Variants in PPP1R1B observed in about 807,000 individuals in gnomAD.
PPP1R1B encodes the protein protein phosphatase 1 regulatory inhibitor subunit 1B.
Under a neutral mutation model 28.2 loss-of-function variants are expected in PPP1R1B, and 13 were observed. The observed-to-expected ratio is 0.46, with a 90% CI of 0.30 to 0.73. PPP1R1B has a LOEUF of 0.73. Among genes scored for constraint, PPP1R1B ranks in the 30% least tolerant of loss-of-function variants. The pLI, the probability that PPP1R1B is intolerant of heterozygous loss-of-function variation, is 0.07. For synonymous variants in PPP1R1B, 102 were observed against 97.5 expected, an observed-to-expected ratio of 1.05 and a Z score of -0.27; for missense variants, 236 against 256.7, an observed-to-expected ratio of 0.92 and a Z score of 0.55.
chr17:39,633,812 C>G, intron 4 of PPP1R1B, 71 bp from the exon 5 acceptor site: 2 of 1,596,290 alleles, frequency 1.3e-6, no homozygotes, highest in Non-Finnish European at 1.7e-6. Context: ...GGGGGCTAGG[C>G]CACAGGCTAT....
intron 5 of PPP1R1B, among the ~76,000 whole-genome samples, chr17:39,635,150 C>T (rs1354805917): frequency 6.6e-6 from 1 of 152,034 alleles, no homozygotes; most frequent in Admixed American, 6.6e-5. Context: ...GAGCTGAGAT[C>T]GCACCACTGC....
chr17:39,634,563 T>C (rs2056902755), intron 5 of PPP1R1B, among the ~76,000 whole-genome samples: 1 of 152,214 alleles, frequency 6.6e-6, no homozygotes, highest in African/African-American at 2.4e-5. Flanking sequence ...CTCTTTTTCC[T>C]TCCTAGGATG....
At position 39,634,079 on chromosome 17, in the gene PPP1R1B, G is replaced by A. The variant is rs1262808831; in HGVS notation, c.438G>A (p.Arg146=). 1.2e-6 allele frequency: 2 copies of A among 1,613,800 alleles called. No homozygotes were observed. Among genetic ancestry groups the A allele is most frequent in the African/African-American group, 1.3e-5 (1 of 75,058 alleles). Residue 146 remains arginine (R), a synonymous_variant, in exon 5 of 7, where the codon AGG becomes AGA. Transcript: ENST00000254079. ...AGGCTGAAGTCCTGAAGGTCATCAG[G>A]CAGTCTGGTAAGCTGAGGGGCCTGT... ...DSQAEVLKVI[R]QSAGQKTTCG...
intron 3 of PPP1R1B, among the ~76,000 whole-genome samples, 163 bp downstream of exon 3, chr17:39,629,725 C>T (rs2144837225): frequency 6.6e-6 from 1 of 152,304 alleles, no homozygotes. Flanking sequence ...AGGGTGCCAC[C>T]AGCAGATCCT....
In PPP1R1B at chr17:39,634,004, TGAG is replaced by T. The variant is rs757467685; in HGVS notation, c.369_371del (p.Glu126del). 16 of 1,613,506 alleles carry T rather than the reference TGAG, an allele frequency of 9.9e-6. No homozygotes were observed. Among genetic ancestry groups the T allele is most frequent in the African/African-American group, 2.7e-5 (2 of 74,900 alleles). ...AGCTGGGTTATCCAAGAGAGGAAGA[TGAG>T]GAGGAAGAGGAGGATGATGAAGAAG... On this transcript the variant is annotated inframe_deletion, in exon 5 of 7. Transcript: ENST00000254079.
chr17:39,634,946 AG>A (rs1231625734), intron 5 of PPP1R1B, among the ~76,000 whole-genome samples: 1 of 152,250 alleles, frequency 6.6e-6, no homozygotes, highest in African/African-American at 2.4e-5. Context: ...CTGTAATTCC[AG>A]CACTTTGGGA....
At chr17:39,630,159 T>C (rs1425252196) in intron 4 of PPP1R1B, 112 bp downstream of exon 4, 6 of 1,050,822 alleles carry the variant, frequency 5.7e-6, no homozygotes, top group South Asian at 4.0e-5. Flanking sequence ...CATAGCCCGC[T>C]GTCAGCGTGG....
chr17:39,629,943 C>T (rs1338252242), intron 3 of PPP1R1B, 29 bp from the exon 4 acceptor site: 13 of 1,600,248 alleles, frequency 8.1e-6, no homozygotes, highest in Non-Finnish European at 1.1e-5. Context: ...CTCTGCTGAG[C>T]CCCTTTAACC....
chr17:39,631,877 A>T (rs370971828), intron 4 of PPP1R1B, among the ~76,000 whole-genome samples: 1 of 152,022 alleles, frequency 6.6e-6, no homozygotes, highest in Non-Finnish European at 1.5e-5. Context: ...TCATCTTCTC[A>T]GGAGAGAATT....
chr17:39,631,816 A>G (rs1421815861), intron 4 of PPP1R1B, among the ~76,000 whole-genome samples: 4 of 152,050 alleles, frequency 2.6e-5, no homozygotes, highest in African/African-American at 9.7e-5. Flanking sequence ...GGACCTCCCC[A>G]CCTAGAGGGG....
intron 5 of PPP1R1B, among the ~76,000 whole-genome samples, chr17:39,634,682 A>G (rs2144850496): frequency 6.6e-6 from 1 of 152,368 alleles, no homozygotes; most frequent in South Asian, 2.1e-4. Context: ...TGAAGAGTCA[A>G]CCACCCCTAC....
chr17:39,627,739 C>G (rs924241596), intron 1 of PPP1R1B, among the ~76,000 whole-genome samples: 5 of 151,908 alleles, frequency 3.3e-5, no homozygotes. Context: ...GGGGACAGGC[C>G]GATTCCAGAC....
intron 1 of PPP1R1B, chr17:39,628,458 C>T (rs1220590917): frequency 2.3e-5 from 22 of 960,710 alleles, no homozygotes; most frequent in Admixed American, 1.9e-4. Flanking sequence ...GGGAGGGGGG[C>T]GGTCAGTTGC....
chr17:39,633,824 T>C, intron 4 of PPP1R1B, 59 bp from the exon 5 acceptor site: 1 of 1,605,404 alleles, frequency 6.2e-7, no homozygotes, highest in Non-Finnish European at 8.5e-7. Flanking sequence ...ACAGGCTATC[T>C]CCAGATCCAT....
In PPP1R1B at chr17:39,636,360, G is replaced by A. The variant is rs9532; in HGVS notation, c.*495G>A. On this transcript the variant is annotated 3_prime_UTR_variant, in exon 7 of 7. Coordinates refer to ENST00000254079, the MANE Select transcript of PPP1R1B (RefSeq NM_032192.4). ...TTCTACCAGGGTCCAGGACTAAGGCGTTTTTCTCCATAGCCTCAACATTTT... is the reference window on the plus strand; with the variant it reads ...TTCTACCAGGGTCCAGGACTAAGGCATTTTTCTCCATAGCCTCAACATTTT... 5,952 of 155,000 alleles carry A rather than the reference G, an allele frequency of 0.038. 179 individuals carry two copies. Among genetic ancestry groups the A allele is most frequent in the African/African-American group, 0.082 (3,413 of 41,554 alleles). 9.6% of individuals were successfully genotyped at this position (155,000 alleles called of 1,614,324 possible).
chr17:39,629,657 C>A, intron 3 of PPP1R1B, 95 bp downstream of exon 3: 1 of 1,326,476 alleles, frequency 7.5e-7, no homozygotes, highest in Non-Finnish European at 1.1e-6. Flanking sequence ...GTATGGGGTG[C>A]CACCCAAGAG....
intron 1 of PPP1R1B, chr17:39,628,502 C>T: frequency 1.0e-6 from 1 of 985,578 alleles, no homozygotes; most frequent in Non-Finnish European, 1.2e-6. Context: ...GGCAACTTTT[C>T]ATTTCTCACA....
chr17:39,634,270 C>T (rs2056900905), intron 5 of PPP1R1B, among the ~76,000 whole-genome samples, 184 bp downstream of exon 5: 1 of 152,252 alleles, frequency 6.6e-6, no homozygotes, highest in African/African-American at 2.4e-5. Flanking sequence ...TTTCCTCCAT[C>T]CTTGGCTCAG....
rs536597649 is a variant in PPP1R1B, at chr17:39,627,532, G to T, written c.81+59G>T. On this transcript the variant is annotated intron_variant, in intron 1 of 6. Transcript: ENST00000254079. ...CCGACACACCCCGCGGGGCTTCTTC[G>T]CCCTCCCAAGGCGCTGCCCCGGCCG... 61 of 1,149,350 alleles carry T rather than the reference G, an allele frequency of 5.3e-5. No homozygotes were observed. The East Asian group carries it at 1.7e-3, about 32-fold the overall frequency. 71.2% of individuals were successfully genotyped at this position (1,149,350 alleles called of 1,614,324 possible).
Sources: allele counts gnomAD v4.1 joint callset (sites outside exome capture counted in the v4.1 genomes callset), GRCh38; gene constraint gnomAD v4.1.1; transcripts MANE v1.5; gene names NCBI Gene and HGNC (gene_info 2026-07-23, HGNC 2026-07-21).